KLHL31: variants seen among roughly 807,000 people sequenced by gnomAD.
KLHL31 encodes kelch-like protein 31.
Under a neutral mutation model 47.1 loss-of-function variants are expected in KLHL31, and 32 were observed. That is an observed-to-expected ratio of 0.68 (90% CI 0.51 to 0.91). The LOEUF (loss-of-function observed/expected upper bound fraction) is 0.91, where lower values mean the gene tolerates loss of function less well. Ranked by LOEUF, KLHL31 falls within the 40% of genes least tolerant of loss-of-function variation. KLHL31 has a pLI of 0.00. For synonymous variants in KLHL31, 330 were observed against 325.1 expected (o/e 1.01, Z -0.16); for missense variants, 797 against 819.3 (o/e 0.97, Z 0.33).
At chr6:53,652,667 G>A (rs187927152) in intron 2 of KLHL31, among the ~76,000 whole-genome samples, 1 of 152,078 alleles carries the variant, frequency 6.6e-6, no homozygotes, top group Admixed American at 6.6e-5. Context: ...TCATCCAGTG[G>A]GATTTACGAG....
intron 1 of KLHL31, among the ~76,000 whole-genome samples, chr6:53,659,089 C>A (rs531435203): frequency 6.6e-6 from 1 of 152,228 alleles, no homozygotes; most frequent in East Asian, 1.9e-4. Context: ...CAAGCAATAG[C>A]CTTTGTTAGT....
chr6:53,654,724 G>T lies in KLHL31; in HGVS notation c.549C>A (p.Ser183=). ...MYVVNIAETY[S]LKNAKAAAQK... Reference sequence around the variant, plus strand: ...GGGCTGCTGCTTTTGCATTTTTTAGGGAGTATGTTTCAGCAATATTAACAA... The same window carrying T: ...GGGCTGCTGCTTTTGCATTTTTTAGTGAGTATGTTTCAGCAATATTAACAA... The change falls in exon 2 of 3, where the codon TCC becomes TCA. Residue 183 remains serine, a synonymous_variant. Coordinates refer to ENST00000370905, the MANE Select transcript of KLHL31 (RefSeq NM_001003760.5). 6.2e-7 allele frequency: 1 copy of T among 1,614,094 alleles called. No individual in the cohort carries two copies. Among genetic ancestry groups the T allele is most frequent in the African/African-American group, 1.3e-5 (1 of 75,020 alleles).
intron 1 of KLHL31, among the ~76,000 whole-genome samples, chr6:53,661,298 A>T (rs1764641575): frequency 2.0e-5 from 3 of 152,158 alleles, no homozygotes. Flanking sequence ...CCCAGAGGCT[A>T]TGTTGTCATG....
At chr6:53,657,221 G>A (rs895342902) in intron 1 of KLHL31, among the ~76,000 whole-genome samples, 3 of 152,106 alleles carry the variant, frequency 2.0e-5, no homozygotes, top group Non-Finnish European at 4.4e-5. Flanking sequence ...TTACAGGCAT[G>A]AGCCACCTTG....
Position 53,647,946 on chromosome 6 carries a change from A to T in KLHL31, c.*3652T>A, listed in dbSNP as rs1764417398. On this transcript the variant is annotated 3_prime_UTR_variant, in exon 3 of 3. Coordinates refer to ENST00000370905, the MANE Select transcript of KLHL31 (RefSeq NM_001003760.5). Reference sequence around the variant, plus strand: ...TCTTATTGAATGCAGCTTTATTGATAGTGATGAGATTACAAAATAACACTA... The same window carrying T: ...TCTTATTGAATGCAGCTTTATTGATTGTGATGAGATTACAAAATAACACTA... 6.6e-6 allele frequency: 1 copy of T among 152,642 alleles called. No individual in the cohort carries two copies. The highest frequency in any genetic ancestry group is 2.4e-5 in the African/African-American group (1 of 41,446). 9.5% of individuals were successfully genotyped at this position (152,642 alleles called of 1,614,324 possible). A position where few individuals can be genotyped will look rare whatever the true frequency, so the allele number is the denominator to read the frequency against.
rs1231309477 is a variant in KLHL31 at position 53,648,396 on chromosome 6, T to G, written c.*3202A>C. 1.3e-5 allele frequency: 2 copies of G among 152,212 alleles called. No individual in the cohort carries two copies. Among genetic ancestry groups the G allele is most frequent in the Admixed American group, 1.3e-4 (2 of 15,284 alleles). The allele number at this position is 152,212 out of a possible 1,614,324, so 9.4% of individuals were successfully genotyped here. A position where few individuals can be genotyped will look rare whatever the true frequency, so the allele number is the denominator to read the frequency against. On this transcript the variant is annotated 3_prime_UTR_variant, in exon 3 of 3. Transcript: ENST00000370905. ...AAAAATTAATGAGGTGATTTTAGTT[T>G]ATTTCGTCTCGTAACTTGGATGAGT... is the stretch of plus-strand genomic sequence containing the variant.
intron 1 of KLHL31, among the ~76,000 whole-genome samples, chr6:53,657,835 T>G (rs1197646635): frequency 6.6e-6 from 1 of 152,142 alleles, no homozygotes; most frequent in Non-Finnish European, 1.5e-5. Flanking sequence ...ATAGAGATGG[T>G]CTAATTCTTT....
chr6:53,651,648 T>C lies in KLHL31; in HGVS notation c.1855A>G (p.Thr619Ala), dbSNP rs768692785. Residue 619 changes from threonine (T) to alanine (A), a missense_variant, in exon 3 of 3, where the codon ACT becomes GCT. By Grantham distance (58) the Thr-to-Ala change is moderately conservative (BLOSUM62 0). Coordinates refer to ENST00000370905, the MANE Select transcript of KLHL31 (RefSeq NM_001003760.5). ...ACCGAACTGGCCCGGGATTCCCGAGTCACGTTGTTGGGCATCGAGAGGGTG... is the reference window on the plus strand; with the variant it reads ...ACCGAACTGGCCCGGGATTCCCGAGCCACGTTGTTGGGCATCGAGAGGGTG... Reference protein sequence around the residue: ...CCTLSMPNNVTRESRASSVSS... With the variant: ...CCTLSMPNNVARESRASSVSS... 2 of 1,613,948 alleles carry C rather than the reference T, an allele frequency of 1.2e-6. No individual in the cohort carries two copies. The highest frequency in any genetic ancestry group is 1.1e-5 in the South Asian group (1 of 91,074).
intron 1 of KLHL31, among the ~76,000 whole-genome samples, 167 bp downstream of exon 1, chr6:53,665,434 C>T (rs1260158946): frequency 6.0e-5 from 9 of 149,812 alleles, no homozygotes; most frequent in African/African-American, 2.3e-4. Context: ...TTTTCTGTCT[C>T]CCAACTTCAG....
In KLHL31 at chr6:53,649,099, T is replaced by C. The variant is rs1764432074; in HGVS notation, c.*2499A>G. The C allele has an allele frequency of 6.6e-6, 1 of 152,190 alleles. No individual in the cohort carries two copies. The highest frequency in any genetic ancestry group is 2.4e-5 in the African/African-American group (1 of 41,452). 9.4% of individuals were successfully genotyped at this position (152,190 alleles called of 1,614,324 possible). A position where few individuals can be genotyped will look rare whatever the true frequency, so the allele number is the denominator to read the frequency against. On this transcript the variant is annotated 3_prime_UTR_variant, in exon 3 of 3. Coordinates refer to ENST00000370905, the MANE Select transcript of KLHL31 (RefSeq NM_001003760.5). ...GGGAAATCTGGAGAAACTAGGTTTC[T>C]AGGAGCAACTGCTTCAATAGTTGGT...
In KLHL31 at chr6:53,654,388, G is replaced by A. The variant is rs141447351; in HGVS notation, c.885C>T (p.His295=). 3.0e-5 allele frequency: 48 copies of A among 1,614,246 alleles called. No individual in the cohort carries two copies. The African/African-American group carries it at 6.3e-4, about 21-fold the overall frequency. Residue 295 remains histidine, a synonymous_variant, in exon 2 of 3, where the codon CAC becomes CAT. Coordinates refer to ENST00000370905, the MANE Select transcript of KLHL31 (RefSeq NM_001003760.5). Reference sequence around the variant, plus strand: ...ATGTGTTTTGATGATATGGAAGCAAGTGGTAGTTCATAGCATCTACGAGAA... The same window carrying A: ...ATGTGTTTTGATGATATGGAAGCAAATGGTAGTTCATAGCATCTACGAGAA... The part of the protein sequence containing the change: ...HRLLVDAMNY[H]LLPYHQNTLQ...
In KLHL31 at chr6:53,650,843, C is replaced by T. The variant is rs988698771; in HGVS notation, c.*755G>A. Reference sequence around the variant, plus strand: ...AACAACCAAATGACTTAAATTTATGCTATAAATTAAATGATTCATATCAAT... The same window carrying T: ...AACAACCAAATGACTTAAATTTATGTTATAAATTAAATGATTCATATCAAT... On this transcript the variant is annotated 3_prime_UTR_variant, in exon 3 of 3. Coordinates refer to ENST00000370905, the MANE Select transcript of KLHL31 (RefSeq NM_001003760.5). 1.3e-5 allele frequency: 2 copies of T among 152,068 alleles called. No individual in the cohort carries two copies. Among genetic ancestry groups the T allele is most frequent in the South Asian group, 2.1e-4 (1 of 4,822 alleles). 9.4% of individuals were successfully genotyped at this position (152,068 alleles called of 1,614,324 possible).
chr6:53,654,722 A>G lies in KLHL31; in HGVS notation c.551T>C (p.Leu184Pro). The change falls in exon 2 of 3, where the codon CTA becomes CCA. Residue 184 changes from leucine to proline, a missense_variant. Physicochemically the swap from Leu to Pro is moderately conservative, Grantham distance 98 (BLOSUM62 -3). Transcript: ENST00000370905. ...CTGGGCTGCTGCTTTTGCATTTTTT[A>G]GGGAGTATGTTTCAGCAATATTAAC... ...YVVNIAETYS[L>P]KNAKAAAQKF... is the part of the protein sequence containing the mutation. The G allele has an allele frequency of 6.2e-7, 1 of 1,614,198 alleles. No homozygotes were observed. Among genetic ancestry groups the G allele is most frequent in the Non-Finnish European group, 8.5e-7 (1 of 1,180,038 alleles).
rs1346026773 is a variant in KLHL31 at position 53,651,890 on chromosome 6, T to C, written c.1613A>G (p.Tyr538Cys). The C allele has an allele frequency of 6.3e-7, 1 of 1,594,344 alleles. No individual in the cohort carries two copies. The highest frequency in any genetic ancestry group is 1.1e-5 in the South Asian group (1 of 90,066). The part of the protein sequence containing the change: ...ERVDVLTVEC[Y>C]SPATGQWSYA... Reference sequence around the variant, plus strand: ...GCTCCACTGGCCGGTCGCGGGGCTGTAGCACTCCACGGTGAGCACGTCCAC... The same window carrying C: ...GCTCCACTGGCCGGTCGCGGGGCTGCAGCACTCCACGGTGAGCACGTCCAC... Residue 538 changes from tyrosine (Y) to cysteine (C), a missense_variant, in exon 3 of 3, where the codon TAC becomes TGC. By Grantham distance (194) the Tyr-to-Cys change is radical (BLOSUM62 -2). Coordinates refer to ENST00000370905, the MANE Select transcript of KLHL31 (RefSeq NM_001003760.5).
Position 53,654,519 on chromosome 6 carries a change from C to A in KLHL31, c.754G>T (p.Ala252Ser). ...AAGCGAATATTGCTCAAAAGATCTG[C>A]AGCGTATTTTACTCTCTTTTGGTCA... ...EFDQKRVKYA[A>S]DLLSNIRFGT... Residue 252 changes from alanine (A) to serine (S), a missense_variant, in exon 2 of 3, where the codon GCA (alanine) becomes TCA (serine). Coordinates refer to ENST00000370905, the MANE Select transcript of KLHL31 (RefSeq NM_001003760.5). 1 of 1,614,178 alleles carries A rather than the reference C, an allele frequency of 6.2e-7. No individual in the cohort carries two copies. Among genetic ancestry groups the A allele is most frequent in the African/African-American group, 1.3e-5 (1 of 75,032 alleles).
chr6:53,654,696 T>C lies in KLHL31; in HGVS notation c.577A>G (p.Lys193Glu), dbSNP rs750278161. Residue 193 changes from lysine to glutamate, a missense_variant, in exon 2 of 3, where the codon AAA becomes GAA. Transcript: ENST00000370905. ...SLKNAKAAAQ[K>E]FIRDNFLEFA... ...TCAAGGAAGTTATCCCGAATAAATTTCTGGGCTGCTGCTTTTGCATTTTTT... is the reference window on the plus strand; with the variant it reads ...TCAAGGAAGTTATCCCGAATAAATTCCTGGGCTGCTGCTTTTGCATTTTTT... 14 of 1,614,052 alleles carry C rather than the reference T, an allele frequency of 8.7e-6. No individual in the cohort carries two copies. The African/African-American group carries it at 1.6e-4, about 18-fold the overall frequency.
chr6:53,654,851 C>G lies in KLHL31; in HGVS notation c.422G>C (p.Gly141Ala). The change falls in exon 2 of 3, where the codon GGA becomes GCA. Residue 141 changes from glycine (G) to alanine (A), a missense_variant. Physicochemically the swap from Gly to Ala is moderately conservative, Grantham distance 60. Transcript: ENST00000370905. ...GKLTLSLYTI[G>A]SIISAAVYLQ... Reference sequence around the variant, plus strand: ...ATAAACAGCAGCAGAAATAATGCTTCCTATTGTATACAAGGAGAGAGTGAG... The same window carrying G: ...ATAAACAGCAGCAGAAATAATGCTTGCTATTGTATACAAGGAGAGAGTGAG... 1 of 1,614,142 alleles carries G rather than the reference C, an allele frequency of 6.2e-7. No homozygotes were observed. Among genetic ancestry groups the G allele is most frequent in the South Asian group, 1.1e-5 (1 of 91,086 alleles).
chr6:53,652,931 G>A (rs1326093110), intron 2 of KLHL31, among the ~76,000 whole-genome samples: 2 of 152,216 alleles, frequency 1.3e-5, no homozygotes, highest in Non-Finnish European at 2.9e-5. Flanking sequence ...CTGTTAGACT[G>A]AGACCAATAG....
chr6:53,652,476 TTC>T (rs1172548408), intron 2 of KLHL31, 146 bp from the exon 3 acceptor site: 2 of 933,762 alleles, frequency 2.1e-6, no homozygotes, highest in Non-Finnish European at 3.2e-6. Flanking sequence ...AGGCTGGAGT[TTC>T]TCTCTCAGCC....
Sources: allele counts gnomAD v4.1 joint callset (sites outside exome capture counted in the v4.1 genomes callset), GRCh38; gene constraint gnomAD v4.1.1; transcripts MANE v1.5; gene names NCBI Gene and HGNC (gene_info 2026-07-23, HGNC 2026-07-21).